Variants in FAAH2 observed in about 807,000 individuals in gnomAD.
FAAH2 encodes the protein fatty acid amide hydrolase 2.
FAAH2 carries 60 observed loss-of-function variants against 36.9 expected under a neutral mutation model. The observed-to-expected ratio is 1.63, with a 90% CI of 1.32 to 2.02. FAAH2 has a LOEUF of 2.02. Ranked by LOEUF, FAAH2 falls within the 30% of genes most tolerant of loss-of-function variation. The probability of loss-of-function intolerance (pLI) is 0.00; values close to 1 mark genes in which losing one functional copy is unlikely to be tolerated. For synonymous variants in FAAH2, 214 were observed against 143.8 expected, an observed-to-expected ratio of 1.49 and a Z score of -3.49; for missense variants, 689 against 397.5, an observed-to-expected ratio of 1.73 and a Z score of -6.23.
At chrX:57,387,730 C>G (rs2055061474) in intron 7 of FAAH2, among the ~76,000 whole-genome samples, 1 of 111,546 alleles carries the variant, frequency 9.0e-6, no homozygotes, top group Non-Finnish European at 1.9e-5. Context: ...AAAATTCCAT[C>G]ACAGTGATAA....
At chrX:57,324,152 G>C (rs1265798588) in intron 3 of FAAH2, among the ~76,000 whole-genome samples, 1 of 111,568 alleles carries the variant, frequency 9.0e-6, no homozygotes, top group African/African-American at 3.3e-5. Context: ...TATGTTTGTA[G>C]ATATGTGGCA....
chrX:57,379,913 A>C (rs137873924), intron 6 of FAAH2, among the ~76,000 whole-genome samples: 126 of 109,158 alleles, frequency 1.2e-3, no homozygotes, highest in Non-Finnish European at 2.3e-3. Context: ...ATATTACTCC[A>C]TCATTATTGA....
chrX:57,396,975 G>A (rs182826707), intron 7 of FAAH2, among the ~76,000 whole-genome samples: 14 of 111,564 alleles, frequency 1.3e-4, no homozygotes. Flanking sequence ...TATTTTCTTA[G>A]GTCTAGTCAT....
chrX:57,441,689 A>T (rs1401184161), intron 8 of FAAH2, among the ~76,000 whole-genome samples: 1 of 108,130 alleles, frequency 9.2e-6, no homozygotes, highest in Non-Finnish European at 1.9e-5. Context: ...TAGTTCTTTT[A>T]ATTGTGATAT....
chrX:57,362,163 T>C (rs895495982), intron 5 of FAAH2, among the ~76,000 whole-genome samples: 3 of 111,478 alleles, frequency 2.7e-5, no homozygotes, highest in Non-Finnish European at 5.6e-5. Context: ...CATGGAATAC[T>C]ATGCAGCCAC....
chrX:57,220,816 G>A, the FAAH2 span, among the ~76,000 whole-genome samples: 401 of 111,480 alleles, frequency 3.6e-3, no homozygotes, highest in African/African-American at 0.012. Context: ...ACTGGAAGTC[G>A]GACTGTAAGC....
At chrX:57,271,490 C>T in the FAAH2 span, among the ~76,000 whole-genome samples, 6 of 112,086 alleles carry the variant, frequency 5.4e-5, no homozygotes, top group African/African-American at 1.9e-4. Context: ...CAAGTAGGGG[C>T]CAACAGACAT....
chrX:57,464,518 CAAAAAAAAA>C (rs5902566), intron 10 of FAAH2, among the ~76,000 whole-genome samples: 1 of 60,984 alleles, frequency 1.6e-5, no homozygotes, highest in Non-Finnish European at 2.9e-5. Context: ...ATAGCAATTG[CAAAAAAAAA>C]AAAAAAAAAA....
At chrX:57,195,805 C>A in the FAAH2 span, among the ~76,000 whole-genome samples, 1 of 112,190 alleles carries the variant, frequency 8.9e-6, no homozygotes, top group East Asian at 2.8e-4. Context: ...GATCCAGTTT[C>A]ATTCTCCTAC....
rs767761474 is a variant in FAAH2 at position 57,442,238 on chromosome X, G to T, written c.1117-4690G>T. On this transcript the variant is annotated intron_variant, in intron 8 of 10. Transcript: ENST00000374900. ...AAAGTCTCCCATTATTATTGTGTGG[G>T]AGTCTAAGTCTCTTTGTAGGCCTCT... 4.5e-5 allele frequency among the ~76,000 whole-genome samples: 5 copies of T among 110,952 alleles called. No individual in the cohort carries two copies. The South Asian group carries it at 1.2e-3, about 26-fold the overall frequency.
At chrX:57,323,747 G>C (rs1375154562) in intron 3 of FAAH2, among the ~76,000 whole-genome samples, 2 of 76,671 alleles carry the variant, frequency 2.6e-5, no homozygotes, top group Non-Finnish European at 4.7e-5. Context: ...TTAGCCCTTT[G>C]TCAGATGTGC....
At chrX:57,369,090 T>A (rs780460923) in intron 5 of FAAH2, among the ~76,000 whole-genome samples, 99 of 105,750 alleles carry the variant, frequency 9.4e-4, no homozygotes, top group African/African-American at 3.1e-3. Context: ...TAAATAAGAC[T>A]GAGAGCTTTA....
chrX:57,221,253 TA>T, the FAAH2 span, among the ~76,000 whole-genome samples: 1 of 111,190 alleles, frequency 9.0e-6, no homozygotes, highest in Non-Finnish European at 1.9e-5. Flanking sequence ...TTCCCCATAG[TA>T]CCCAACACAT....
intron 1 of FAAH2, among the ~76,000 whole-genome samples, chrX:57,288,412 C>CGAT (rs1455366645): frequency 1.2e-5 from 1 of 85,863 alleles, no homozygotes; most frequent in Non-Finnish European, 2.1e-5. Flanking sequence ...TGCAGTGGTG[C>CGAT]GATCTTCGCT....
intron 5 of FAAH2, among the ~76,000 whole-genome samples, chrX:57,363,808 A>T (rs1190911677): frequency 9.0e-6 from 1 of 111,251 alleles, no homozygotes; most frequent in Non-Finnish European, 1.9e-5. Context: ...CCTTTTCTGC[A>T]TTCATTGAGA....
At chrX:57,235,430 T>C in the FAAH2 span, among the ~76,000 whole-genome samples, 1 of 111,982 alleles carries the variant, frequency 8.9e-6, no homozygotes, top group Admixed American at 9.5e-5. Context: ...TTTCCATCAC[T>C]CTTATGATCT....
chrX:57,133,509 A>G, the FAAH2 span, among the ~76,000 whole-genome samples: 3 of 111,592 alleles, frequency 2.7e-5, no homozygotes, highest in Non-Finnish European at 3.8e-5. Context: ...GGGTGTGGCC[A>G]ACTGGAGAGG....
the FAAH2 span, among the ~76,000 whole-genome samples, chrX:57,174,078 G>A: frequency 9.0e-6 from 1 of 110,672 alleles, no homozygotes; most frequent in Non-Finnish European, 1.9e-5. Flanking sequence ...TAATGGCTTT[G>A]TAAAATAACT....
chrX:57,252,628 G>T, the FAAH2 span, among the ~76,000 whole-genome samples: 1 of 112,059 alleles, frequency 8.9e-6, no homozygotes, highest in Non-Finnish European at 1.9e-5. Flanking sequence ...GGCAAACAGG[G>T]TCTGGAGTGG....
Sources: gnomAD v4.1 joint callset for allele counts (sites outside exome capture counted in the v4.1 genomes callset) on GRCh38, gnomAD v4.1.1 for gene constraint, MANE v1.5 for transcripts, NCBI Gene and HGNC (gene_info 2026-07-23, HGNC 2026-07-21) for gene names.